The following COA8 variants were observed in gnomAD, a reference collection of about 807,000 sequenced individuals.
COA8 encodes UPF0671 protein C14orf153.
A neutral mutation model predicts 22.0 loss-of-function variants in COA8; 20 were observed. The ratio of observed to expected loss-of-function variants is 0.91; its 90% CI spans 0.64 to 1.32. The LOEUF (loss-of-function observed/expected upper bound fraction) is 1.32, where lower values mean the gene tolerates loss of function less well. Ranked by LOEUF, COA8 falls within the 40% of genes most tolerant of loss-of-function variation. COA8 has a pLI of 0.00. For synonymous variants in COA8, 105 were observed against 79.9 expected (o/e 1.31, Z -1.68); for missense variants, 266 against 230.0 (o/e 1.16, Z -1.01).
At chr14:103,571,909 C>G in intron 2 of COA8, 89 bp downstream of exon 2, 1 of 1,133,698 alleles carries the variant, frequency 8.8e-7, no homozygotes, top group Non-Finnish European at 1.3e-6. Flanking sequence ...GGGCAGATCA[C>G]GAGGTCAGGA....
chr14:103,563,254 C>A, intron 1 of COA8, 130 bp downstream of exon 1: 1 of 1,244,454 alleles, frequency 8.0e-7, no homozygotes, highest in Non-Finnish European at 1.1e-6. Context: ...GCGTCCTATC[C>A]CGAACAGTCC....
chr14:103,577,462 G>A lies in COA8; in HGVS notation c.385+3292G>A, dbSNP rs188201939. On this transcript the variant is annotated intron_variant, in intron 3 of 4. Coordinates refer to ENST00000409074, the MANE Select transcript of COA8 (RefSeq NM_001370595.2). ...TTCAGTCTTGAGACTCAGTGCTGGC[G>A]GAGTTACATCAAAGGTGGATGGCAG... Among the ~76,000 whole-genome samples the A allele has an allele frequency of 7.9e-5, 12 of 152,264 alleles. No individual in the cohort carries two copies. In the East Asian group the frequency reaches 1.5e-3, roughly 20 times the overall value.
chr14:103,589,418 CATCCCTAA>C (rs1432095954), intron 4 of COA8, among the ~76,000 whole-genome samples: 2 of 152,146 alleles, frequency 1.3e-5, no homozygotes. Flanking sequence ...TGGCCCATCA[CATCCCTAA>C]AATGCTGCCA....
intron 4 of COA8, chr14:103,588,133 A>C (rs1349572890): frequency 1.3e-5 from 4 of 317,484 alleles, no homozygotes; most frequent in South Asian, 1.6e-4. Context: ...AAAAAAAAAA[A>C]AAAAAAACGG....
In COA8 at chr14:103,581,969, C is replaced by A. The variant is rs1052511088; in HGVS notation, c.386-5305C>A. 1.3e-5 allele frequency among the ~76,000 whole-genome samples: 2 copies of A among 152,202 alleles called. No homozygotes were observed. The highest frequency in any genetic ancestry group is 2.9e-5 in the Non-Finnish European group (2 of 68,028). ...TGCCTTTGGCCACTTTGCCCACTCCCCCTTGGGCCGGAGCATCAGCATTAG... is the reference window on the plus strand; with the variant it reads ...TGCCTTTGGCCACTTTGCCCACTCCACCTTGGGCCGGAGCATCAGCATTAG... On this transcript the variant is annotated intron_variant, in intron 3 of 4. Coordinates refer to ENST00000409074, the MANE Select transcript of COA8 (RefSeq NM_001370595.2). The surrounding 1 kb of genome is among the most constrained non-coding windows in gnomAD (Gnocchi z 4.1).
At chr14:103,576,394 A>G (rs1402509125) in intron 3 of COA8, among the ~76,000 whole-genome samples, 1 of 152,230 alleles carries the variant, frequency 6.6e-6, no homozygotes, top group South Asian at 2.1e-4. Flanking sequence ...AGGATATAAC[A>G]GACTCACCAT....
chr14:103,575,020 C>T (rs561738572), intron 3 of COA8, among the ~76,000 whole-genome samples: 7 of 152,376 alleles, frequency 4.6e-5, no homozygotes, highest in South Asian at 2.1e-4. Flanking sequence ...GAGAATGTGG[C>T]GTGGCCTGGA....
chr14:103,578,001 G>A (rs2076241289), intron 3 of COA8, among the ~76,000 whole-genome samples: 1 of 144,380 alleles, frequency 6.9e-6, no homozygotes. Context: ...TCCAGCCTGG[G>A]CAGCAAGAGT....
At chr14:103,575,127 CGTGTGTACGCATGTGTGT>C (rs932934018) in intron 3 of COA8, among the ~76,000 whole-genome samples, 4 of 152,230 alleles carry the variant, frequency 2.6e-5, no homozygotes, top group Non-Finnish European at 5.9e-5. Context: ...TGTATGCGTG[CGTGTGTACGCATGTGTGT>C]GCGTACGTGC....
chr14:103,567,997 T>C (rs1171200918), intron 1 of COA8, among the ~76,000 whole-genome samples: 1 of 152,132 alleles, frequency 6.6e-6, no homozygotes, highest in African/African-American at 2.4e-5. Flanking sequence ...GGTTTGCGGA[T>C]TTGTCTAGCA....
chr14:103,563,269 G>A, intron 1 of COA8, 145 bp downstream of exon 1: 1 of 1,113,316 alleles, frequency 9.0e-7, no homozygotes, highest in Admixed American at 2.0e-5. Flanking sequence ...CAGTCCCGCA[G>A]CCCCGAGGCT....
chr14:103,570,876 G>A (rs1397335207), intron 1 of COA8, among the ~76,000 whole-genome samples: 5 of 152,176 alleles, frequency 3.3e-5, no homozygotes, highest in Non-Finnish European at 7.3e-5. Flanking sequence ...TAGGCAATGG[G>A]TGCTTGCTGC....
chr14:103,571,286 G>A (rs913003406), intron 1 of COA8, among the ~76,000 whole-genome samples: 6 of 151,802 alleles, frequency 4.0e-5, no homozygotes, highest in Non-Finnish European at 5.9e-5. Flanking sequence ...GGAGAATGGC[G>A]TGAACCTGGG....
rs11337243 is a variant in COA8 at position 103,574,078 on chromosome 14, C to CTTT, written c.322-6_322-4dup. 0.018 allele frequency: 17,832 copies of CTTT among 1,000,028 alleles called. 38 individuals are homozygous for CTTT. Among genetic ancestry groups the CTTT allele is most frequent in the Middle Eastern group, 0.02 (49 of 2,498 alleles). 61.9% of individuals were successfully genotyped at this position (1,000,028 alleles called of 1,614,324 possible). On this transcript the variant is annotated intron_variant, in intron 2 of 4. Coordinates refer to ENST00000409074, the MANE Select transcript of COA8 (RefSeq NM_001370595.2). ...AGACAGAGAAAGGAGTTCTGAGAGCCTTTTTTTTTTTTTTTTTTTTTTTTT... is the reference window on the plus strand; with the variant it reads ...AGACAGAGAAAGGAGTTCTGAGAGCCTTTTTTTTTTTTTTTTTTTTTTTTTTTT...
chr14:103,575,534 C>T (rs549155790), intron 3 of COA8, among the ~76,000 whole-genome samples: 4 of 152,178 alleles, frequency 2.6e-5, no homozygotes, highest in South Asian at 2.1e-4. Flanking sequence ...GTCTTGTACA[C>T]GGTTGCACCA....
Position 103,564,237 on chromosome 14 carries a change from C to A in COA8, c.123+1113C>A, listed in dbSNP as rs74088041. Among the ~76,000 whole-genome samples the A allele has an allele frequency of 8.5e-3, 1,290 of 152,190 alleles. 20 individuals carry two copies. The highest frequency in any genetic ancestry group is 0.03 in the African/African-American group (1,247 of 41,512). Reference sequence around the variant, plus strand: ...TGGGCTGTGGCTGTTAGTACACTTTCATAATTGTAGCTTTGAAGGTCTATC... The same window carrying A: ...TGGGCTGTGGCTGTTAGTACACTTTAATAATTGTAGCTTTGAAGGTCTATC... On this transcript the variant is annotated intron_variant, in intron 1 of 4. Coordinates refer to ENST00000409074, the MANE Select transcript of COA8 (RefSeq NM_001370595.2).
At position 103,581,468 on chromosome 14, in the gene COA8, G is replaced by A. The variant is rs901200778; in HGVS notation, c.386-5806G>A. 7.6e-6 allele frequency: 3 copies of A among 392,792 alleles called. No homozygotes were observed. The highest frequency in any genetic ancestry group is 3.6e-5 in the East Asian group (1 of 27,768). 24.3% of individuals were successfully genotyped at this position (392,792 alleles called of 1,614,324 possible). ...GGAGGAGTCGCCTCCTGGGCTGGTCGGAGTAGGACCTTGGGAGGTTTCATC... is the reference window on the plus strand; with the variant it reads ...GGAGGAGTCGCCTCCTGGGCTGGTCAGAGTAGGACCTTGGGAGGTTTCATC... On this transcript the variant is annotated intron_variant, in intron 3 of 4. Coordinates refer to ENST00000409074, the MANE Select transcript of COA8 (RefSeq NM_001370595.2). The surrounding 1 kb of genome is among the most constrained non-coding windows in gnomAD (Gnocchi z 4.1).
At chr14:103,584,641 C>A (rs752153963) in intron 3 of COA8, among the ~76,000 whole-genome samples, 9 of 152,140 alleles carry the variant, frequency 5.9e-5, no homozygotes, top group African/African-American at 9.7e-5. Context: ...TTTCCACCAG[C>A]AATGTATGAG....
chr14:103,588,827 G>C (rs961493633), intron 4 of COA8, among the ~76,000 whole-genome samples: 1 of 152,168 alleles, frequency 6.6e-6, no homozygotes, highest in African/African-American at 2.4e-5. Context: ...GGGCTACAGA[G>C]TGAGACCCTA....
Sources: gnomAD v4.1 joint callset for allele counts (sites outside exome capture counted in the v4.1 genomes callset) on GRCh38, gnomAD v4.1.1 for gene constraint, Gnocchi (gnomAD v3.1) non-coding constraint, MANE v1.5 for transcripts, NCBI Gene and HGNC (gene_info 2026-07-23, HGNC 2026-07-21) for gene names.